GABRB3: variants seen among roughly 807,000 people sequenced by gnomAD.
GABRB3 encodes gamma-aminobutyric acid receptor subunit beta-3.
GABRB3 carries 14 observed loss-of-function variants against 52.1 expected under a neutral mutation model. The observed-to-expected ratio is 0.27, with a 90% CI of 0.18 to 0.42. The LOEUF is 0.42. Ranked by LOEUF, GABRB3 falls within the 10% of genes least tolerant of loss-of-function variation. The pLI, the probability that GABRB3 is intolerant of heterozygous loss-of-function variation, is 1.00. For synonymous variants in GABRB3, 260 were observed against 232.3 expected, an observed-to-expected ratio of 1.12 and a Z score of -1.08; for missense variants, 307 against 609.1, an observed-to-expected ratio of 0.50 and a Z score of 5.22.
chr15:26,562,456 T>A (rs1890026359), intron 7 of GABRB3, among the ~76,000 whole-genome samples: 1 of 152,118 alleles, frequency 6.6e-6, no homozygotes, highest in South Asian at 2.1e-4. Flanking sequence ...TAATCCTTCA[T>A]CCTCAGTAAC....
At chr15:26,591,335 C>G (rs1891196922) in intron 4 of GABRB3, among the ~76,000 whole-genome samples, 1 of 152,180 alleles carries the variant, frequency 6.6e-6, no homozygotes, top group African/African-American at 2.4e-5. Flanking sequence ...CCTGATACTT[C>G]TGAGGAGTGT....
chr15:26,635,998 C>T (rs1893049883), intron 3 of GABRB3, among the ~76,000 whole-genome samples: 1 of 152,178 alleles, frequency 6.6e-6, no homozygotes, highest in African/African-American at 2.4e-5. Context: ...TTCTGAATTG[C>T]TATTAATTGG....
chr15:26,613,796 C>T (rs560905790), intron 4 of GABRB3: 1 of 152,104 alleles, frequency 6.6e-6, no homozygotes, highest in Non-Finnish European at 1.5e-5. Flanking sequence ...ATGATAACAA[C>T]CCAGAAAGGT....
chr15:26,736,537 T>C (rs1467608175), intron 3 of GABRB3, among the ~76,000 whole-genome samples: 1 of 152,254 alleles, frequency 6.6e-6, no homozygotes, highest in East Asian at 1.9e-4. Context: ...AATCCGGAGT[T>C]TGAGGAAAGC....
intron 6 of GABRB3, among the ~76,000 whole-genome samples, chr15:26,569,021 C>T (rs1414787408): frequency 6.6e-6 from 1 of 152,128 alleles, no homozygotes; most frequent in Non-Finnish European, 1.5e-5. Context: ...CTTTCTGAAG[C>T]TGCCCACACC....
Position 26,621,660 on chromosome 15 carries a change from T to G in GABRB3, c.241-126A>C. ...GAATAACCAGGAGAAACGGATGCCA[T>G]TTTTATGCAGAATGGGAAGCAATGG... On this transcript the variant is annotated intron_variant, in intron 3 of 8. Coordinates refer to ENST00000311550, the MANE Select transcript of GABRB3 (RefSeq NM_000814.6). This position sits in a 1 kb window ranked among gnomAD's most constrained non-coding sequence, Gnocchi z 4.1. 1.4e-6 allele frequency: 1 copy of G among 706,946 alleles called. No homozygotes were observed. The highest frequency in any genetic ancestry group is 1.7e-5 in the South Asian group (1 of 57,958). The allele number at this position is 706,946 out of a possible 1,614,324, so 43.8% of individuals were successfully genotyped here. A position where few individuals can be genotyped will look rare whatever the true frequency, so the allele number is the denominator to read the frequency against.
intron 3 of GABRB3, among the ~76,000 whole-genome samples, chr15:26,744,968 T>C (rs1181983700): frequency 2.0e-5 from 3 of 152,194 alleles, no homozygotes; most frequent in Non-Finnish European, 2.9e-5. Flanking sequence ...CCACAGTCTA[T>C]GCAAGAAGCA....
chr15:26,588,711 T>C (rs978024212), intron 4 of GABRB3, among the ~76,000 whole-genome samples: 1 of 152,174 alleles, frequency 6.6e-6, no homozygotes, highest in Non-Finnish European at 1.5e-5. Flanking sequence ...TATATATACA[T>C]ATATATTCAT....
intron 3 of GABRB3, among the ~76,000 whole-genome samples, chr15:26,723,876 A>G (rs1222887304): frequency 2.0e-5 from 3 of 152,166 alleles, no homozygotes; most frequent in South Asian, 4.1e-4. Flanking sequence ...ATGTAAACCA[A>G]TTGTACCAGT....
chr15:26,633,500 C>G (rs1344282305), intron 3 of GABRB3, among the ~76,000 whole-genome samples: 1 of 152,194 alleles, frequency 6.6e-6, no homozygotes, highest in Non-Finnish European at 1.5e-5. Flanking sequence ...AGCCTTGTTT[C>G]CACCTGAATT....
intron 3 of GABRB3, among the ~76,000 whole-genome samples, chr15:26,714,754 T>C (rs1455913720): frequency 2.6e-5 from 4 of 152,204 alleles, no homozygotes; most frequent in Non-Finnish European, 5.9e-5. Context: ...CCAAGATTTA[T>C]TTTCCTTTCA....
chr15:26,652,775 G>T (rs1887236759), intron 3 of GABRB3, among the ~76,000 whole-genome samples: 1 of 151,982 alleles, frequency 6.6e-6, no homozygotes, highest in African/African-American at 2.4e-5. Context: ...CTATATTTTT[G>T]TACTGCAACA....
At chr15:26,691,831 A>C (rs1438202281) in intron 3 of GABRB3, among the ~76,000 whole-genome samples, 1 of 152,060 alleles carries the variant, frequency 6.6e-6, no homozygotes, top group Non-Finnish European at 1.5e-5. Context: ...CTGCCCCACA[A>C]CCCATTCCTT....
chr15:26,711,290 A>C lies in GABRB3; in HGVS notation c.240+61112T>G, dbSNP rs75296444. On this transcript the variant is annotated intron_variant, in intron 3 of 8. Transcript: ENST00000311550. ...GGATGTCGGCTGGTCTTGAAGACAG[A>C]AATGACTGTATTTTCCTAAGCAATA... is the stretch of plus-strand genomic sequence containing the variant. Among the ~76,000 whole-genome samples the C allele has an allele frequency of 6.0e-3, 912 of 152,266 alleles. 9 individuals carry two copies. Among genetic ancestry groups the C allele is most frequent in the African/African-American group, 0.021 (872 of 41,568 alleles).
rs148813768 is a variant in GABRB3, at chr15:26,730,915, T to C, written c.240+41487A>G. Among the ~76,000 whole-genome samples, 86 of 152,344 alleles carry C rather than the reference T, an allele frequency of 5.6e-4. 1 individual carries two copies. In the East Asian group the frequency reaches 0.015, roughly 26 times the overall value. ...TGAACTCACACATATGCAGCACTTATAATAGAAGCTAACAGATTACTTTTA... is the reference window on the plus strand; with the variant it reads ...TGAACTCACACATATGCAGCACTTACAATAGAAGCTAACAGATTACTTTTA... On this transcript the variant is annotated intron_variant, in intron 3 of 8. Coordinates refer to ENST00000311550, the MANE Select transcript of GABRB3 (RefSeq NM_000814.6).
At chr15:26,696,058 T>G (rs1158367951) in intron 3 of GABRB3, among the ~76,000 whole-genome samples, 1 of 152,222 alleles carries the variant, frequency 6.6e-6, no homozygotes, top group East Asian at 1.9e-4. Flanking sequence ...CAACAGTGTT[T>G]GGAAGCTGAA....
intron 3 of GABRB3, chr15:26,629,158 G>A (rs1413885765): frequency 5.3e-6 from 8 of 1,503,696 alleles, no homozygotes; most frequent in Non-Finnish European, 7.1e-6. Flanking sequence ...GGGGCGGAGT[G>A]TGGGGAGAAG....
At chr15:26,772,168 C>G in intron 3 of GABRB3, 1 of 452,324 alleles carries the variant, frequency 2.2e-6, no homozygotes, top group Non-Finnish European at 3.9e-6. Flanking sequence ...CCAGGACTCC[C>G]CCGCAGGAAG....
intron 3 of GABRB3, among the ~76,000 whole-genome samples, chr15:26,708,558 A>AG (rs776124370): frequency 1.3e-5 from 2 of 152,208 alleles, no homozygotes; most frequent in Non-Finnish European, 2.9e-5. Flanking sequence ...GCTATATGGG[A>AG]GGGGGTGAAA....
Sources: gnomAD v4.1 joint callset for allele counts (sites outside exome capture counted in the v4.1 genomes callset) on GRCh38, gnomAD v4.1.1 for gene constraint, Gnocchi (gnomAD v3.1) non-coding constraint, MANE v1.5 for transcripts, NCBI Gene and HGNC (gene_info 2026-07-23, HGNC 2026-07-21) for gene names.